The following ADGRE2 variants were observed in gnomAD, a reference collection of about 807,000 sequenced individuals.
ADGRE2 encodes adhesion G protein-coupled receptor E2.
Under a neutral mutation model 100.8 loss-of-function variants are expected in ADGRE2, and 83 were observed. The observed-to-expected ratio is 0.82, with a 90% CI of 0.69 to 0.99. The LOEUF (loss-of-function observed/expected upper bound fraction) is 0.99. Among genes scored for constraint, ADGRE2 ranks in the 50% least tolerant of loss-of-function variants. The pLI is 0.00. For missense variants in ADGRE2, 814 were observed against 1,035.7 expected, an observed-to-expected ratio of 0.79 and a Z score of 2.94; for synonymous variants, 355 against 413.0, an observed-to-expected ratio of 0.86 and a Z score of 1.70.
chr19:14,757,816 AT>A (rs1314318381), intron 11 of ADGRE2, among the ~76,000 whole-genome samples: 1 of 151,882 alleles, frequency 6.6e-6, no homozygotes, highest in Admixed American at 6.6e-5. Flanking sequence ...TTTTATTTTT[AT>A]TTTTGGGACA....
rs1471996742 is a variant in ADGRE2 at position 14,754,998 on chromosome 19, G to A, written c.1546C>T (p.His516Tyr). The change falls in exon 14 of 21, where the codon CAC (histidine) becomes TAC (tyrosine). Residue 516 changes from histidine (H) to tyrosine (Y), a missense_variant. Around this residue, in one of 5 missense-constraint regions of ADGRE2, gnomAD observed 569 missense variants for 692.7 expected, o/e 0.82. Transcript: ENST00000315576. Reference sequence around the variant, plus strand: ...ATGAGGACGGCAAAGCTGCTCAGGTGGGTGCAACGGCAGATGGTGCTGGTG... The same window carrying A: ...ATGAGGACGGCAAAGCTGCTCAGGTAGGTGCAACGGCAGATGGTGCTGGTG... The part of the protein sequence containing the change: ...RDTSTICRCT[H>Y]LSSFAVLMAH... The A allele has an allele frequency of 3.1e-6, 5 of 1,613,988 alleles. No homozygotes were observed. Among genetic ancestry groups the A allele is most frequent in the Admixed American group, 3.3e-5 (2 of 59,992 alleles).
intron 11 of ADGRE2, among the ~76,000 whole-genome samples, chr19:14,758,926 A>C (rs1251686417): frequency 6.7e-6 from 1 of 149,128 alleles, no homozygotes; most frequent in Non-Finnish European, 1.5e-5. Flanking sequence ...CCTCTCCTGC[A>C]GAGAGACAGG....
At position 14,736,869 on chromosome 19, in the gene ADGRE2, T is replaced by C. The variant is rs1568573101; in HGVS notation, c.2464-625A>G. On this transcript the variant is annotated intron_variant, in intron 20 of 20. Transcript: ENST00000315576. ...TATTTAGAAATATATAGATATTTAA[T>C]ATCTATATATTTAGAAATATATATA... Among the ~76,000 whole-genome samples the C allele has an allele frequency of 2.1e-5, 3 of 145,558 alleles. No individual in the cohort carries two copies. In the East Asian group the frequency reaches 5.9e-4, roughly 29 times the overall value.
At chr19:14,773,637 G>C (rs2147553422) in intron 4 of ADGRE2, among the ~76,000 whole-genome samples, 1 of 152,024 alleles carries the variant, frequency 6.6e-6, no homozygotes, top group African/African-American at 2.4e-5. Flanking sequence ...TCAGTCTTCT[G>C]AGTAGCTGGG....
chr19:14,775,177 A>T (rs79657378), intron 2 of ADGRE2, among the ~76,000 whole-genome samples: 2,803 of 130,078 alleles, frequency 0.022, 72 homozygotes, highest in African/African-American at 0.076. Flanking sequence ...TAATTTTTGT[A>T]TTTCTTAAGT....
rs922382318 is a variant in ADGRE2 at position 14,772,195 on chromosome 19, G to A, written c.355+147C>T. On this transcript the variant is annotated intron_variant, in intron 5 of 20. Transcript: ENST00000315576. Reference sequence around the variant, plus strand: ...CACCACGCTGCCTCTCTGGGCTGGCGAAACAGGTACATGCACACCTGTCTC... The same window carrying A: ...CACCACGCTGCCTCTCTGGGCTGGCAAAACAGGTACATGCACACCTGTCTC... 81 of 1,196,164 alleles carry A rather than the reference G, an allele frequency of 6.8e-5. 1 individual carries two copies. In the Middle Eastern group the frequency reaches 1.2e-3, roughly 18 times the overall value. 74.1% of individuals were successfully genotyped at this position (1,196,164 alleles called of 1,614,324 possible).
Position 14,778,471 on chromosome 19 carries a change from G to A in ADGRE2, c.-386C>T. On this transcript the variant is annotated 5_prime_UTR_variant, in exon 1 of 21. Transcript: ENST00000315576. ...GTGTCCACATAAAAGCCCAGGGAGG[G>A]AGAAGGGGCCCTCTTCCGATGCCAG... The A allele has an allele frequency of 1.1e-6, 1 of 941,042 alleles. No individual in the cohort carries two copies. Among genetic ancestry groups the A allele is most frequent in the East Asian group, 1.2e-4 (1 of 8,606 alleles). The allele number at this position is 941,042 out of a possible 1,614,324, so 58.3% of individuals were successfully genotyped here.
intron 18 of ADGRE2, among the ~76,000 whole-genome samples, chr19:14,744,606 C>CCG (rs1341774005): frequency 6.6e-6 from 1 of 151,870 alleles, no homozygotes; most frequent in Admixed American, 6.6e-5. Context: ...AGACGCCCAC[C>CCG]ACCATGCCTG....
downstream of ADGRE2, among the ~76,000 whole-genome samples, chr19:14,730,889 T>A (rs1188807884): frequency 6.6e-6 from 1 of 151,936 alleles, no homozygotes; most frequent in African/African-American, 2.4e-5. Flanking sequence ...AGCTCTCTCT[T>A]ACAGGTGAGA....
chr19:14,726,242 ACAGGG>A, the ADGRE2 span, among the ~76,000 whole-genome samples: 4 of 152,200 alleles, frequency 2.6e-5, no homozygotes, highest in Middle Eastern at 3.2e-3. Context: ...CAAAGGCTGC[ACAGGG>A]CAGCGGGGCC....
intron 11 of ADGRE2, among the ~76,000 whole-genome samples, chr19:14,758,556 G>C (rs1434298016): frequency 6.6e-6 from 1 of 152,108 alleles, no homozygotes; most frequent in Non-Finnish European, 1.5e-5. Context: ...TAAGAAGTTA[G>C]TTTAAGAGTG....
At chr19:14,776,975 T>TACACAC in intron 1 of ADGRE2, 48 bp from the exon 2 acceptor site, 1 of 640,908 alleles carries the variant, frequency 1.6e-6, no homozygotes, top group Non-Finnish European at 2.1e-6. Flanking sequence ...CCAGGGGCGC[T>TACACAC]GCACACACAC....
chr19:14,759,821 T>TTC (rs2043649267), intron 11 of ADGRE2, among the ~76,000 whole-genome samples: 2 of 137,180 alleles, frequency 1.5e-5, no homozygotes, highest in Non-Finnish European at 3.1e-5. Flanking sequence ...GCAGATTTTT[T>TTC]TTTTTTTTTT....
intron 16 of ADGRE2, among the ~76,000 whole-genome samples, chr19:14,749,332 A>C (rs936846897): frequency 1.8e-5 from 2 of 111,726 alleles, no homozygotes; most frequent in Non-Finnish European, 3.4e-5. Context: ...ATATAATATA[A>C]TTATAATGAT....
intron 11 of ADGRE2, among the ~76,000 whole-genome samples, chr19:14,759,835 T>TG (rs2043649703): frequency 6.8e-6 from 1 of 146,878 alleles, no homozygotes; most frequent in African/African-American, 2.6e-5. Context: ...TTTTTTTTTT[T>TG]TGAGACGGAG....
downstream of ADGRE2, among the ~76,000 whole-genome samples, chr19:14,728,039 G>A (rs1450889482): frequency 2.0e-5 from 3 of 152,128 alleles, no homozygotes; most frequent in Non-Finnish European, 4.4e-5. Context: ...TGGCTAACAC[G>A]GTGAAACCCC....
rs2042950679 is a variant in ADGRE2, at chr19:14,742,124, T to C, written c.2463+1296A>G. ...AAAGCATTTAAACTGAGATCATTGC[T>C]AATGGTTAATGAGTCAAGGAGTCGC... is the stretch of plus-strand genomic sequence containing the variant. On this transcript the variant is annotated intron_variant, in intron 20 of 20. Coordinates refer to ENST00000315576, the MANE Select transcript of ADGRE2 (RefSeq NM_013447.4). 1.0e-5 allele frequency: 4 copies of C among 398,546 alleles called. No individual in the cohort carries two copies. In the South Asian group the frequency reaches 5.1e-4, roughly 51 times the overall value. 24.7% of individuals were successfully genotyped at this position (398,546 alleles called of 1,614,324 possible).
At chr19:14,769,219 C>A (rs982223901) in intron 5 of ADGRE2, among the ~76,000 whole-genome samples, 6 of 77,498 alleles carry the variant, frequency 7.7e-5, no homozygotes, top group African/African-American at 1.6e-4. Context: ...GTGAGACACC[C>A]CCCCCCCATC....
At chr19:14,738,694 A>G (rs2042832880) in intron 20 of ADGRE2, among the ~76,000 whole-genome samples, 1 of 151,920 alleles carries the variant, frequency 6.6e-6, no homozygotes, top group Admixed American at 6.6e-5. Context: ...CCTTTTTTCC[A>G]TATCTTTTCC....
Sources: allele counts gnomAD v4.1 joint callset (sites outside exome capture counted in the v4.1 genomes callset), GRCh38; gene constraint gnomAD v4.1.1; regional missense constraint gnomAD v4.1.1; transcripts MANE v1.5; gene names NCBI Gene and HGNC (gene_info 2026-07-23, HGNC 2026-07-21).